TF: variants seen among roughly 807,000 people sequenced by gnomAD.
TF encodes transferrin.
A neutral mutation model predicts 82.4 loss-of-function variants in TF; 55 were observed. The observed-to-expected ratio is 0.67, with a 90% CI of 0.54 to 0.84. The LOEUF (loss-of-function observed/expected upper bound fraction) is 0.84. Ranked by LOEUF, TF falls within the 40% of genes least tolerant of loss-of-function variation. TF has a pLI of 0.00. For synonymous variants in TF, 332 were observed against 332.6 expected, an observed-to-expected ratio of 1.00 and a Z score of 0.02; for missense variants, 737 against 868.4, an observed-to-expected ratio of 0.85 and a Z score of 1.90.
At chr3:133,708,005 A>C in the TF span, among the ~76,000 whole-genome samples, 8 of 152,256 alleles carry the variant, frequency 5.3e-5, no homozygotes, top group African/African-American at 1.4e-4. Context: ...TTGTAAACCT[A>C]GAAAATCAGA....
At position 133,795,570 on chromosome 3, in the gene TF, A is replaced by ATTTTTTTTTT. The variant is rs745790067; in HGVS notation, c.*16964_*16973dup. 3.1e-5 allele frequency: 3 copies of ATTTTTTTTTT among 98,320 alleles called. No individual in the cohort carries two copies. The highest frequency in any genetic ancestry group is 1.2e-4 in the Admixed American group (1 of 8,150). The allele number at this position is 98,320 out of a possible 1,614,324, so 6.1% of individuals were successfully genotyped here. On this transcript the variant is annotated 3_prime_UTR_variant, in exon 17 of 17. Coordinates refer to ENST00000402696, the MANE Select transcript of TF (RefSeq NM_001063.4). ...GTGAGAACCTGACCAAAAAAGTGGA[A>ATTTTTTTTTT]TTTTTTTTTTTTTTTTTTTTTTTGA...
chr3:133,668,758 C>T, the TF span, among the ~76,000 whole-genome samples: 3 of 152,174 alleles, frequency 2.0e-5, no homozygotes, highest in Admixed American at 6.5e-5. Flanking sequence ...GGAATCTGCT[C>T]TGCCACCTGC....
chr3:133,694,222 C>G, the TF span: 3 of 153,076 alleles, frequency 2.0e-5, no homozygotes, highest in East Asian at 5.8e-4. Flanking sequence ...GCAGCAGCGG[C>G]CAAGTTCTTC....
At chr3:133,685,276 C>T in the TF span, among the ~76,000 whole-genome samples, 11 of 152,146 alleles carry the variant, frequency 7.2e-5, no homozygotes, top group Non-Finnish European at 1.6e-4. Flanking sequence ...TAGAAGTATT[C>T]CCTTTGAAAA....
the TF span, among the ~76,000 whole-genome samples, chr3:133,728,549 A>G: frequency 2.5e-3 from 382 of 152,276 alleles, 1 homozygote; most frequent in African/African-American, 8.9e-3. Context: ...CTAGTTATAC[A>G]TTCGTCTAAA....
intron 10 of TF, 119 bp from the exon 11 acceptor site, chr3:133,764,756 C>T: frequency 1.1e-6 from 1 of 949,756 alleles, no homozygotes; most frequent in Non-Finnish European, 1.7e-6. Context: ...GAATTGATGA[C>T]ATGTATAGAT....
At chr3:133,678,871 GT>G in the TF span, among the ~76,000 whole-genome samples, 1 of 151,742 alleles carries the variant, frequency 6.6e-6, no homozygotes, top group African/African-American at 2.4e-5. Flanking sequence ...GTTTTGTTTT[GT>G]TTTGTTTTGT....
chr3:133,679,662 T>C, the TF span, among the ~76,000 whole-genome samples: 1 of 151,468 alleles, frequency 6.6e-6, no homozygotes, highest in Non-Finnish European at 1.5e-5. Flanking sequence ...TTTTTATTAT[T>C]GGGTAGTACT....
chr3:133,744,762 C>T (rs368408844), upstream of TF, among the ~76,000 whole-genome samples: 10 of 152,342 alleles, frequency 6.6e-5, no homozygotes, highest in East Asian at 1.7e-3. Context: ...AGGTATGTAA[C>T]CCCTTTGCAT....
At position 133,789,037 on chromosome 3, in the gene TF, G is replaced by A. The variant is rs1287734856; in HGVS notation, c.*10417G>A. On this transcript the variant is annotated 3_prime_UTR_variant, in exon 17 of 17. Coordinates refer to ENST00000402696, the MANE Select transcript of TF (RefSeq NM_001063.4). ...ACAATTGCCTCTGGAGGGAAAATATGCAAAGCGGCACTGGTGCCCACGTAA... is the reference window on the plus strand; with the variant it reads ...ACAATTGCCTCTGGAGGGAAAATATACAAAGCGGCACTGGTGCCCACGTAA... 6.6e-6 allele frequency: 1 copy of A among 152,294 alleles called. No individual in the cohort carries two copies. Among genetic ancestry groups the A allele is most frequent in the Non-Finnish European group, 1.5e-5 (1 of 68,104 alleles). The allele number at this position is 152,294 out of a possible 1,614,324, so 9.4% of individuals were successfully genotyped here. A position where few individuals can be genotyped will look rare whatever the true frequency, so the allele number is the denominator to read the frequency against.
Position 133,769,066 on chromosome 3 carries a change from C to T in TF, c.1622+902C>T, listed in dbSNP as rs139635802. Among the ~76,000 whole-genome samples, 1,007 of 152,250 alleles carry T rather than the reference C, an allele frequency of 6.6e-3. 8 individuals are homozygous for T. The highest frequency in any genetic ancestry group is 0.01 in the Non-Finnish European group (709 of 68,002). On this transcript the variant is annotated intron_variant, in intron 13 of 16. Transcript: ENST00000402696. ...GTCTTGGCCTCCCAAAGTGCTGGTA[C>T]TCACAGGCGTGGGCCACGTCTGGCC... is the stretch of plus-strand genomic sequence containing the variant.
At chr3:133,681,460 G>A in the TF span, among the ~76,000 whole-genome samples, 6 of 152,226 alleles carry the variant, frequency 3.9e-5, no homozygotes, top group African/African-American at 7.2e-5. Context: ...GCCAAGGGAA[G>A]CCGTGACAGA....
chr3:133,737,281 C>A, the TF span, among the ~76,000 whole-genome samples: 96 of 152,246 alleles, frequency 6.3e-4, no homozygotes, highest in East Asian at 0.018. Context: ...AACAAAGACA[C>A]AATGTACCAG....
intron 3 of TF, 102 bp from the exon 4 acceptor site, chr3:133,754,393 C>A: frequency 8.1e-7 from 1 of 1,234,968 alleles, no homozygotes; most frequent in Non-Finnish European, 1.2e-6. Flanking sequence ...CCAGTAAAAG[C>A]ATGGCCTCTC....
At chr3:133,741,698 A>T (rs146597844), upstream of TF, among the ~76,000 whole-genome samples, 1,135 of 152,318 alleles carry the variant, frequency 7.5e-3, 14 homozygotes, top group African/African-American at 0.026. Context: ...TTCCTTTATT[A>T]TTCCACTAAT....
the TF span, chr3:133,700,017 TG>T: frequency 5.1e-3 from 847 of 166,196 alleles, 8 homozygotes; most frequent in African/African-American, 0.019. Context: ...TCCTTAGCAC[TG>T]GGGGACTCAG....
the TF span, among the ~76,000 whole-genome samples, chr3:133,680,617 G>A: frequency 1.3e-5 from 2 of 151,318 alleles, no homozygotes; most frequent in African/African-American, 4.9e-5. Flanking sequence ...CCACACAAAG[G>A]CACATGGCCT....
In TF at chr3:133,757,917, C is replaced by G; in HGVS notation, c.1019C>G (p.Thr340Ser). 1 of 1,614,214 alleles carries G rather than the reference C, an allele frequency of 6.2e-7. No homozygotes were observed. Among genetic ancestry groups the G allele is most frequent in the Non-Finnish European group, 8.5e-7 (1 of 1,180,030 alleles). The change falls in exon 8 of 17, where the codon ACT (threonine) becomes AGT (serine). Residue 340 changes from threonine to serine, a missense_variant. Physicochemically the swap from Thr to Ser is moderately conservative, Grantham distance 58 (BLOSUM62 1). Transcript: ENST00000402696. ...AKMYLGYEYVTAIRNLREGTC... is the reference protein window; with the variant it reads ...AKMYLGYEYVSAIRNLREGTC... The stretch of plus-strand genomic sequence containing the variant: ...ATGTACCTGGGCTATGAGTATGTCA[C>G]TGCCATCCGGAATCTACGGGAAGGC...
At chr3:133,695,769 C>A in the TF span, among the ~76,000 whole-genome samples, 1 of 152,164 alleles carries the variant, frequency 6.6e-6, no homozygotes, top group African/African-American at 2.4e-5. Context: ...ACTACTCTTG[C>A]ACCTTGGGGC....
Sources: gnomAD v4.1 joint callset for allele counts (sites outside exome capture counted in the v4.1 genomes callset) on GRCh38, gnomAD v4.1.1 for gene constraint, MANE v1.5 for transcripts, NCBI Gene and HGNC (gene_info 2026-07-23, HGNC 2026-07-21) for gene names.